The following CACNA1I variants were observed in gnomAD, a reference collection of about 807,000 sequenced individuals.
The protein encoded by CACNA1I is voltage-dependent T-type calcium channel subunit alpha-1I.
CACNA1I carries 74 observed loss-of-function variants against 201.6 expected under a neutral mutation model. The ratio of observed to expected loss-of-function variants is 0.37; its 90% CI spans 0.30 to 0.45. The LOEUF is 0.45. CACNA1I is among the 20% of genes least tolerant of loss of function. The probability of loss-of-function intolerance (pLI) is 1.00; values close to 1 mark genes in which losing one functional copy is unlikely to be tolerated. For missense variants in CACNA1I, 2,346 were observed against 3,138.1 expected, an observed-to-expected ratio of 0.75 and a Z score of 6.03; for synonymous variants, 1,431 against 1,345.2, an observed-to-expected ratio of 1.06 and a Z score of -1.40.
At chr22:39,605,376 G>A (rs370664973) in intron 3 of CACNA1I, among the ~76,000 whole-genome samples, 6 of 152,118 alleles carry the variant, frequency 3.9e-5, no homozygotes, top group African/African-American at 1.2e-4. Flanking sequence ...CTCACCAGGC[G>A]GCTGGTCTCA....
chr22:39,664,469 G>T (rs1010909660), intron 20 of CACNA1I, among the ~76,000 whole-genome samples: 12 of 152,132 alleles, frequency 7.9e-5, no homozygotes, highest in African/African-American at 2.9e-4. Flanking sequence ...TTCCCAGGGC[G>T]GGCAGTTTTC....
rs201624682 is a variant in CACNA1I, at chr22:39,665,904, C to T, written c.4002C>T (p.His1334=). The change falls in exon 23 of 37, where the codon CAC becomes CAT. Residue 1334 remains histidine (H), a synonymous_variant. Transcript: ENST00000402142. This position sits in a 1 kb window ranked among gnomAD's most constrained non-coding sequence, Gnocchi z 5.5. The stretch of plus-strand genomic sequence containing the variant: ...AGCTCTTCAAGGGCAAGTTCTACCA[C>T]TGTCTGGGCGTGGACACCCGCAACA... ...GVQLFKGKFY[H]CLGVDTRNIT... is the part of the protein sequence containing the mutation. 5.8e-5 allele frequency: 94 copies of T among 1,613,906 alleles called. No homozygotes were observed. Among genetic ancestry groups the T allele is most frequent in the Admixed American group, 1.0e-4 (6 of 60,032 alleles).
At chr22:39,680,895 C>A (rs747831958) in intron 33 of CACNA1I, 35 bp from the exon 34 acceptor site, 2 of 1,593,382 alleles carry the variant, frequency 1.3e-6, no homozygotes, top group Non-Finnish European at 1.7e-6. Context: ...CCATCCCAAA[C>A]CTGGGTGACC....
intron 23 of CACNA1I, among the ~76,000 whole-genome samples, chr22:39,667,969 T>C (rs1364528328): frequency 1.3e-5 from 2 of 152,120 alleles, no homozygotes; most frequent in Non-Finnish European, 2.9e-5. Flanking sequence ...GTTAGCTCCA[T>C]TCTGTGGGTG....
intron 5 of CACNA1I, among the ~76,000 whole-genome samples, chr22:39,636,215 CTG>C (rs1934216229): frequency 6.6e-6 from 1 of 152,258 alleles, no homozygotes; most frequent in Non-Finnish European, 1.5e-5. Context: ...GTCTCCTCCT[CTG>C]TGGTCTTCCC....
intron 1 of CACNA1I, among the ~76,000 whole-genome samples, chr22:39,597,658 GAGA>G (rs1401815035): frequency 6.6e-6 from 1 of 152,258 alleles, no homozygotes; most frequent in African/African-American, 2.4e-5. Flanking sequence ...TGGGCAAGGA[GAGA>G]AGGACGGGGC....
intron 1 of CACNA1I, 172 bp downstream of exon 1, chr22:39,571,160 C>G (rs1449654571): frequency 1.6e-6 from 1 of 625,214 alleles, no homozygotes; most frequent in Middle Eastern, 2.9e-4. Flanking sequence ...GGGGAGACCT[C>G]AAATGGATGA....
At position 39,648,556 on chromosome 22, in the gene CACNA1I, C is replaced by T. The variant is rs990226470; in HGVS notation, c.1567+630C>T. Among the ~76,000 whole-genome samples the T allele has an allele frequency of 9.9e-5, 15 of 152,248 alleles. No homozygotes were observed. The highest frequency in any genetic ancestry group is 1.8e-4 in the Non-Finnish European group (12 of 68,010). ...TGAGATGGGACTGACCCCTGGGTTCCTGGCTGCCCGCCCTGACTCCAGAGG... is the reference window on the plus strand; with the variant it reads ...TGAGATGGGACTGACCCCTGGGTTCTTGGCTGCCCGCCCTGACTCCAGAGG... On this transcript the variant is annotated intron_variant, in intron 9 of 36. Transcript: ENST00000402142. The surrounding 1 kb of genome is among the most constrained non-coding windows in gnomAD (Gnocchi z 5.4).
At chr22:39,633,102 C>A (rs940288734) in intron 4 of CACNA1I, among the ~76,000 whole-genome samples, 1 of 152,100 alleles carries the variant, frequency 6.6e-6, no homozygotes, top group African/African-American at 2.4e-5. Flanking sequence ...ACCATCTGGA[C>A]AGGGCCACTG....
rs1935182576 is a variant in CACNA1I, at chr22:39,666,030, G to C, written c.4104+24G>C. 1.1e-5 allele frequency: 17 copies of C among 1,608,232 alleles called. No individual in the cohort carries two copies. Among genetic ancestry groups the C allele is most frequent in the Non-Finnish European group, 1.4e-5 (17 of 1,176,852 alleles). On this transcript the variant is annotated intron_variant, in intron 23 of 36. Transcript: ENST00000402142. This position sits in a 1 kb window ranked among gnomAD's most constrained non-coding sequence, Gnocchi z 4.1. The stretch of plus-strand genomic sequence containing the variant: ...AGGTGAGCACCACCGTCCTAGCCCT[G>C]ATCAGACCCTCCCCTCTCTTGGATG...
At chr22:39,617,597 G>A (rs1933581627) in intron 3 of CACNA1I, among the ~76,000 whole-genome samples, 1 of 152,138 alleles carries the variant, frequency 6.6e-6, no homozygotes, top group Non-Finnish European at 1.5e-5. Flanking sequence ...CACCCCCGCA[G>A]CCCCTCCATC....
chr22:39,669,578 T>C (rs1229717157), intron 24 of CACNA1I, among the ~76,000 whole-genome samples: 2 of 141,942 alleles, frequency 1.4e-5, no homozygotes, highest in Non-Finnish European at 3.1e-5. Flanking sequence ...GGTAGATAAA[T>C]GAATGGGTGG....
chr22:39,628,407 T>G (rs188997552), intron 4 of CACNA1I, among the ~76,000 whole-genome samples: 98 of 151,818 alleles, frequency 6.5e-4, no homozygotes, highest in African/African-American at 2.2e-3. Context: ...GTAGGACACT[T>G]GAAGGATGCC....
Position 39,619,499 on chromosome 22 carries a change from C to T in CACNA1I, c.580+92C>T. 2 of 897,704 alleles carry T rather than the reference C, an allele frequency of 2.2e-6. 1 individual carries two copies. The highest frequency in any genetic ancestry group is 2.8e-5 in the South Asian group (2 of 70,820). The allele number at this position is 897,704 out of a possible 1,614,324, so 55.6% of individuals were successfully genotyped here. A position where few individuals can be genotyped will look rare whatever the true frequency, so the allele number is the denominator to read the frequency against. On this transcript the variant is annotated intron_variant, in intron 4 of 36. Transcript: ENST00000402142. ...TACCTAGCCAATGCCCACCCCCCCA[C>T]CCTGCTTCGTTCACTTGGAGAAGAC...
In CACNA1I at chr22:39,649,779, G is replaced by C. The variant is rs376280976; in HGVS notation, c.1846G>C (p.Asp616His). The C allele has an allele frequency of 2.1e-4, 335 of 1,608,792 alleles. 4 individuals carry two copies. In the East Asian group the frequency reaches 4.6e-3, roughly 22 times the overall value. The change falls in exon 10 of 37, where the codon GAT becomes CAT. Residue 616 changes from aspartate (D) to histidine (H), a missense_variant. Asp to His is a moderately conservative substitution (Grantham distance 81). Around this residue, in one of 13 missense-constraint regions of CACNA1I, gnomAD observed 312 missense variants for 331.5 expected, o/e 0.94. Transcript: ENST00000402142. The surrounding 1 kb of genome is among the most constrained non-coding windows in gnomAD (Gnocchi z 7.3). Reference protein sequence around the residue: ...GKEEEEEEQADGAVWLCGDVW... With the variant: ...GKEEEEEEQAHGAVWLCGDVW... ...GGAGGAGGAGGAGGAGGAGCAGGCGGATGGGGCGGTCTGGCTGTGCGGGGA... is the reference window on the plus strand; with the variant it reads ...GGAGGAGGAGGAGGAGGAGCAGGCGCATGGGGCGGTCTGGCTGTGCGGGGA...
At position 39,679,605 on chromosome 22, in the gene CACNA1I, G is replaced by A. The variant is rs1380496069; in HGVS notation, c.5395-117G>A. Reference sequence around the variant, plus strand: ...GGGTGACCCTGTGATGAGGGGGTCGGTCCCAGGCCATGGGCGCAGAGAACC... The same window carrying A: ...GGGTGACCCTGTGATGAGGGGGTCGATCCCAGGCCATGGGCGCAGAGAACC... On this transcript the variant is annotated intron_variant, in intron 32 of 36. Coordinates refer to ENST00000402142, the MANE Select transcript of CACNA1I (RefSeq NM_021096.4). 7 of 1,140,044 alleles carry A rather than the reference G, an allele frequency of 6.1e-6. No individual in the cohort carries two copies. The Admixed American group carries it at 7.0e-5, about 11-fold the overall frequency. The allele number at this position is 1,140,044 out of a possible 1,614,324, so 70.6% of individuals were successfully genotyped here. A position where few individuals can be genotyped will look rare whatever the true frequency, so the allele number is the denominator to read the frequency against.
At chr22:39,673,184 G>A in intron 28 of CACNA1I, 102 bp downstream of exon 28, 1 of 1,101,152 alleles carries the variant, frequency 9.1e-7, no homozygotes, top group East Asian at 2.4e-5. Context: ...GGGAGGGGTG[G>A]GGGCAGGAGT....
chr22:39,669,374 T>G (rs2146461972), intron 24 of CACNA1I, among the ~76,000 whole-genome samples: 1 of 152,364 alleles, frequency 6.6e-6, no homozygotes, highest in Non-Finnish European at 1.5e-5. Flanking sequence ...AGTGCATGCA[T>G]GCACATGCGT....
chr22:39,620,694 A>G (rs1482938032), intron 4 of CACNA1I, among the ~76,000 whole-genome samples: 2 of 151,898 alleles, frequency 1.3e-5, no homozygotes, highest in Non-Finnish European at 2.9e-5. Flanking sequence ...CTGGGGAAAG[A>G]GAGGATGAGG....
Sources: allele counts gnomAD v4.1 joint callset (sites outside exome capture counted in the v4.1 genomes callset), GRCh38; gene constraint gnomAD v4.1.1; regional missense constraint gnomAD v4.1.1; non-coding constraint Gnocchi (gnomAD v3.1); transcripts MANE v1.5; gene names NCBI Gene and HGNC (gene_info 2026-07-23, HGNC 2026-07-21).